The following HEXB variants were observed in gnomAD, a reference collection of about 807,000 sequenced individuals.
The protein encoded by HEXB is beta-hexosaminidase subunit beta.
Under a neutral mutation model 71.2 loss-of-function variants are expected in HEXB, and 51 were observed. The observed-to-expected ratio is 0.72, with a 90% confidence interval of 0.57 to 0.90. HEXB has a LOEUF of 0.90. HEXB is among the 40% of genes least tolerant of loss of function. The pLI is 0.00. For synonymous variants in HEXB, 266 were observed against 249.3 expected, an observed-to-expected ratio of 1.07 and a Z score of -0.63; for missense variants, 617 against 677.0, an observed-to-expected ratio of 0.91 and a Z score of 0.98.
intron 1 of HEXB, among the ~76,000 whole-genome samples, chr5:74,685,883 C>T (rs1748859573): frequency 6.6e-6 from 1 of 152,060 alleles, no homozygotes; most frequent in African/African-American, 2.4e-5. Context: ...GTGACAGCTC[C>T]TTATTTGAAG....
chr5:74,644,706 T>C (rs1747968432), intron 1 of HEXB, among the ~76,000 whole-genome samples: 1 of 151,968 alleles, frequency 6.6e-6, no homozygotes, highest in Non-Finnish European at 1.5e-5. Context: ...AAAAAAGTTA[T>C]GTTTATGTTA....
At chr5:74,706,220 GT>G (rs1291349421) in intron 6 of HEXB, 1 of 152,198 alleles carries the variant, frequency 6.6e-6, no homozygotes, top group Non-Finnish European at 1.5e-5. Flanking sequence ...AAAAAGGCCT[GT>G]TCTTTAAGAA....
chr5:74,696,798 A>T, intron 4 of HEXB, 59 bp downstream of exon 4: 1 of 914,746 alleles, frequency 1.1e-6, no homozygotes, highest in Non-Finnish European at 1.8e-6. Context: ...ATAGAAAAAA[A>T]TGTAACCTGT....
At chr5:74,684,133 C>A (rs1474883485), upstream of HEXB, among the ~76,000 whole-genome samples, 1 of 152,116 alleles carries the variant, frequency 6.6e-6, no homozygotes, top group East Asian at 1.9e-4. Context: ...CATTACATTT[C>A]TTTGAAGTCT....
intron 1 of HEXB, among the ~76,000 whole-genome samples, chr5:74,643,440 T>C (rs16872141): frequency 0.13 from 19,531 of 152,212 alleles, 1,392 homozygotes; most frequent in African/African-American, 0.18. Flanking sequence ...AGTCAGGAAA[T>C]GCTGCTTACA....
chr5:74,678,543 T>C (rs1748678360), intron 1 of HEXB, among the ~76,000 whole-genome samples: 1 of 151,954 alleles, frequency 6.6e-6, no homozygotes, highest in Non-Finnish European at 1.5e-5. Flanking sequence ...AAAAAAGCCT[T>C]ACCTTAACTA....
At chr5:74,649,174 C>T (rs1197401203) in intron 1 of HEXB, among the ~76,000 whole-genome samples, 1 of 152,170 alleles carries the variant, frequency 6.6e-6, no homozygotes, top group Admixed American at 6.5e-5. Flanking sequence ...GTCCGGCCGG[C>T]CTGCAACAAT....
At chr5:74,695,369 A>G (rs1749090411) in intron 3 of HEXB, among the ~76,000 whole-genome samples, 2 of 150,732 alleles carry the variant, frequency 1.3e-5, no homozygotes, top group Non-Finnish European at 3.0e-5. Context: ...ACGCCTGGCT[A>G]ATTTTTTGTA....
chr5:74,718,678 A>G (rs773431941), intron 10 of HEXB, 119 bp from the exon 11 acceptor site: 7 of 1,041,644 alleles, frequency 6.7e-6, no homozygotes, highest in African/African-American at 1.6e-5. Context: ...GAAAAAGAAA[A>G]TGCAGATTTT....
rs762455258 is a variant in HEXB at position 74,715,577 on chromosome 5, C to A, written c.969C>A (p.Asn323Lys). 1 of 1,611,392 alleles carries A rather than the reference C, an allele frequency of 6.2e-7. No individual in the cohort carries two copies. Among genetic ancestry groups the A allele is most frequent in the South Asian group, 1.1e-5 (1 of 91,028 alleles). The change falls in exon 8 of 14, where the codon AAC becomes AAA. Residue 323 changes from asparagine to lysine, a missense_variant. Coordinates refer to ENST00000261416, the MANE Select transcript of HEXB (RefSeq NM_000521.4). ...QNKLDSFGPI[N>K]PTLNTTYSFL... ...AGTTGGACTCTTTTGGACCTATAAA[C>A]CCTACTCTGAATACAACATACAGCT...
intron 5 of HEXB, among the ~76,000 whole-genome samples, chr5:74,701,551 C>T (rs954232974): frequency 6.6e-6 from 1 of 152,040 alleles, no homozygotes; most frequent in East Asian, 1.9e-4. Flanking sequence ...AAGTCATAAT[C>T]TTTACTACTT....
Position 74,650,780 on chromosome 5 carries a change from G to A in HEXB, c.-377+10222G>A, listed in dbSNP as rs567597173. 2.4e-4 allele frequency among the ~76,000 whole-genome samples: 34 copies of A among 141,728 alleles called. No homozygotes were observed. In the East Asian group the frequency reaches 6.2e-3, roughly 26 times the overall value. 93.0% of individuals were successfully genotyped at this position (141,728 alleles called of 152,430 possible). On this transcript the variant is annotated intron_variant, in intron 1 of 13. Coordinates refer to the HEXB transcript ENST00000511181. ...ACTAAAAATACAAAAAAAAAAATTA[G>A]CTGGGCGTGGTGGTGGGCACCTGTA... is the stretch of plus-strand genomic sequence containing the variant.
At chr5:74,717,345 GCC>G (rs1749695508) in intron 9 of HEXB, among the ~76,000 whole-genome samples, 1 of 152,016 alleles carries the variant, frequency 6.6e-6, no homozygotes, top group African/African-American at 2.4e-5. Flanking sequence ...AGTAGCCATA[GCC>G]ACAGGTGTCT....
At chr5:74,664,430 TAAAAAAAA>T (rs397998152) in intron 1 of HEXB, among the ~76,000 whole-genome samples, 3,648 of 79,704 alleles carry the variant, frequency 0.046, 215 homozygotes, top group African/African-American at 0.16. Context: ...ATTCTATCTC[TAAAAAAAA>T]AAAAAAAAAA....
chr5:74,656,255 G>A (rs1748215623), intron 1 of HEXB, among the ~76,000 whole-genome samples: 1 of 152,050 alleles, frequency 6.6e-6, no homozygotes, highest in South Asian at 2.1e-4. Context: ...CAGCAGCGTG[G>A]ATCACTTGAG....
intron 1 of HEXB, among the ~76,000 whole-genome samples, chr5:74,688,733 A>G (rs1290809425): frequency 6.6e-6 from 1 of 152,194 alleles, no homozygotes; most frequent in Non-Finnish European, 1.5e-5. Flanking sequence ...GCAGGAAGGT[A>G]ACAGGAACTC....
At chr5:74,651,224 A>G (rs534664867) in intron 1 of HEXB, among the ~76,000 whole-genome samples, 2 of 152,322 alleles carry the variant, frequency 1.3e-5, no homozygotes, top group African/African-American at 4.8e-5. Flanking sequence ...CCAGGATCAC[A>G]TATTTGCTAA....
chr5:74,696,384 C>T (rs1306425457), intron 3 of HEXB, among the ~76,000 whole-genome samples: 1 of 152,044 alleles, frequency 6.6e-6, no homozygotes, highest in African/African-American at 2.4e-5. Flanking sequence ...ATTAAGGAAC[C>T]AGTATTTTAT....
intron 2 of HEXB, 124 bp downstream of exon 2, chr5:74,689,597 T>C: frequency 1.2e-6 from 1 of 834,590 alleles, no homozygotes; most frequent in South Asian, 1.4e-5. Context: ...GATTCCTATT[T>C]TAAAAATAAC....
Sources: allele counts gnomAD v4.1 joint callset (sites outside exome capture counted in the v4.1 genomes callset), GRCh38; gene constraint gnomAD v4.1.1; transcripts MANE v1.5; gene names NCBI Gene and HGNC (gene_info 2026-07-23, HGNC 2026-07-21).